Variants in WWOX observed in about 807,000 individuals in gnomAD.
WWOX encodes WW domain containing oxidoreductase.
In WWOX, 69 loss-of-function variants were observed where a neutral mutation model predicts 46.2. The observed-to-expected ratio is 1.49, with a 90% CI of 1.23 to 1.82. The LOEUF is 1.82. WWOX is among the 40% of genes most tolerant of loss of function. The pLI is 0.00. For synonymous variants in WWOX, 359 were observed against 202.6 expected (o/e 1.77, Z -6.56); for missense variants, 919 against 542.6 (o/e 1.69, Z -6.89).
rs1255552468 is a variant in WWOX at position 78,350,940 on chromosome 16, C to T, written c.517-35920C>T. On this transcript the variant is annotated intron_variant, in intron 5 of 8. Transcript: ENST00000566780. ...GCAGTGTAGGAAGGTTCCGATTTCT[C>T]CATATCTTCACCAGCACTCGCTGTC... is the stretch of plus-strand genomic sequence containing the variant. Among the ~76,000 whole-genome samples the T allele has an allele frequency of 3.5e-5, 2 of 56,940 alleles. 1 individual carries two copies. Among genetic ancestry groups the T allele is most frequent in the African/African-American group, 1.0e-4 (2 of 19,684 alleles). 37.4% of individuals were successfully genotyped at this position (56,940 alleles called of 152,430 possible).
At chr16:78,180,679 A>G (rs1481087374) in intron 5 of WWOX, among the ~76,000 whole-genome samples, 3 of 151,778 alleles carry the variant, frequency 2.0e-5, no homozygotes, top group Non-Finnish European at 2.9e-5. Flanking sequence ...AGTTGTGGGT[A>G]TATGTTAGGG....
At chr16:79,110,279 C>G (rs1374512754) in intron 8 of WWOX, among the ~76,000 whole-genome samples, 1 of 152,184 alleles carries the variant, frequency 6.6e-6, no homozygotes, top group African/African-American at 2.4e-5. Context: ...GAATGCCCCT[C>G]CTACTTCCCC....
chr16:79,034,194 G>A (rs62040104), intron 8 of WWOX, among the ~76,000 whole-genome samples: 8,440 of 152,178 alleles, frequency 0.055, 295 homozygotes, highest in South Asian at 0.17. Flanking sequence ...CTACACTGAA[G>A]GGATATTTTA....
chr16:78,472,297 T>C (rs2084242127), intron 8 of WWOX, among the ~76,000 whole-genome samples: 4 of 152,286 alleles, frequency 2.6e-5, no homozygotes, highest in South Asian at 2.1e-4. Flanking sequence ...CAGCCTCTTA[T>C]CTCATAAGCC....
intron 8 of WWOX, among the ~76,000 whole-genome samples, chr16:78,762,863 C>G (rs919099796): frequency 1.3e-5 from 2 of 152,260 alleles, no homozygotes; most frequent in East Asian, 3.9e-4. Context: ...AAATGCAACG[C>G]TACTTTGAAG....
intron 8 of WWOX, chr16:79,203,554 G>C (rs1199080190): frequency 6.6e-6 from 1 of 151,200 alleles, no homozygotes; most frequent in Non-Finnish European, 1.5e-5. Flanking sequence ...ATACTTATGG[G>C]GCATACGTGT....
At chr16:79,111,728 A>G (rs2049420363) in intron 8 of WWOX, among the ~76,000 whole-genome samples, 1 of 152,212 alleles carries the variant, frequency 6.6e-6, no homozygotes, top group South Asian at 2.1e-4. Context: ...AGGAGGTCAC[A>G]GTGACAAAAG....
intron 8 of WWOX, among the ~76,000 whole-genome samples, chr16:79,131,984 T>G (rs1226378074): frequency 1.3e-5 from 2 of 152,154 alleles, no homozygotes; most frequent in East Asian, 3.9e-4. Context: ...ATGAGAATAG[T>G]ACAGGAAAGA....
chr16:79,044,039 G>C (rs2048021875), intron 8 of WWOX, among the ~76,000 whole-genome samples: 1 of 152,204 alleles, frequency 6.6e-6, no homozygotes, highest in Admixed American at 6.5e-5. Flanking sequence ...GCCAGGAAGA[G>C]GCTTCGGCCC....
intron 8 of WWOX, among the ~76,000 whole-genome samples, chr16:78,990,223 C>G (rs909018182): frequency 1.3e-5 from 2 of 150,662 alleles, no homozygotes; most frequent in African/African-American, 2.4e-5. Flanking sequence ...TTGAGCTCAA[C>G]TGATCAGCAT....
intron 8 of WWOX, among the ~76,000 whole-genome samples, chr16:78,917,142 T>G (rs2151264097): frequency 6.6e-6 from 1 of 152,316 alleles, no homozygotes; most frequent in Middle Eastern, 3.4e-3. Flanking sequence ...TGGGACAACA[T>G]GCCCACTCTC....
intron 8 of WWOX, among the ~76,000 whole-genome samples, chr16:78,667,777 C>G (rs1246255439): frequency 2.0e-5 from 3 of 152,018 alleles, no homozygotes; most frequent in South Asian, 2.1e-4. Context: ...AGAGCTCTCT[C>G]CTTTGTTTCT....
rs1226602810 is a variant in WWOX at position 78,756,903 on chromosome 16, A to T, written c.1056+324151A>T. The T allele has an allele frequency of 1.3e-5, 9 of 702,840 alleles. No homozygotes were observed. In the East Asian group the frequency reaches 1.9e-4, roughly 15 times the overall value. 43.5% of individuals were successfully genotyped at this position (702,840 alleles called of 1,614,324 possible). On this transcript the variant is annotated intron_variant, in intron 8 of 8. Transcript: ENST00000566780. ...ACGAGGCTAGACCATAAAAATATTG[A>T]GGCTTCTGCCTTACTGATGTGGATC... is the stretch of plus-strand genomic sequence containing the variant.
intron 8 of WWOX, among the ~76,000 whole-genome samples, chr16:78,867,480 G>A (rs914119086): frequency 5.5e-5 from 7 of 127,778 alleles, no homozygotes; most frequent in African/African-American, 2.0e-4. Context: ...GAAGTTAAAT[G>A]ATTTTGTGTG....
At chr16:78,957,502 C>T (rs1024672418) in intron 8 of WWOX, among the ~76,000 whole-genome samples, 1 of 152,172 alleles carries the variant, frequency 6.6e-6, no homozygotes, top group Non-Finnish European at 1.5e-5. Flanking sequence ...GACACCAGAA[C>T]AGGTGTTCTG....
At chr16:78,979,960 C>G (rs1314492316) in intron 8 of WWOX, among the ~76,000 whole-genome samples, 2 of 152,132 alleles carry the variant, frequency 1.3e-5, no homozygotes, top group African/African-American at 2.4e-5. Context: ...AACCCCATCT[C>G]TACTAAAAAT....
At chr16:79,209,665 C>T (rs73569313) in intron 8 of WWOX, among the ~76,000 whole-genome samples, 17,207 of 152,178 alleles carry the variant, frequency 0.11, 1,361 homozygotes, top group African/African-American at 0.22. Flanking sequence ...AAAACACCAT[C>T]TCCACCAGAA....
rs564050907 is a variant in WWOX at position 78,210,446 on chromosome 16, A to G, written c.516+46157A>G. Among the ~76,000 whole-genome samples the G allele has an allele frequency of 2.6e-5, 4 of 152,242 alleles. No homozygotes were observed. The East Asian group carries it at 7.7e-4, about 29-fold the overall frequency. On this transcript the variant is annotated intron_variant, in intron 5 of 8. Coordinates refer to ENST00000566780, the MANE Select transcript of WWOX (RefSeq NM_016373.4). ...TTGCTGCTGGTCTCTTTGGAAGGCA[A>G]GTGCTAATTTACCCACAGTTGAAAC...
chr16:78,975,180 C>G (rs754869689), intron 8 of WWOX, among the ~76,000 whole-genome samples: 2 of 152,178 alleles, frequency 1.3e-5, no homozygotes, highest in Non-Finnish European at 2.9e-5. Context: ...TTAGTTATGA[C>G]TTAGTGAACA....
Sources: gnomAD v4.1 joint callset for allele counts (sites outside exome capture counted in the v4.1 genomes callset) on GRCh38, gnomAD v4.1.1 for gene constraint, MANE v1.5 for transcripts, NCBI Gene and HGNC (gene_info 2026-07-23, HGNC 2026-07-21) for gene names.